The following ZMYM2 variants were observed in gnomAD, a reference collection of about 807,000 sequenced individuals.
The protein encoded by ZMYM2 is zinc finger MYM-type containing 2.
In ZMYM2, 56 loss-of-function variants were observed where a neutral mutation model predicts 162.8. That is an observed-to-expected ratio of 0.34 (90% CI 0.28 to 0.43). The LOEUF (loss-of-function observed/expected upper bound fraction) is 0.43. Ranked by LOEUF, ZMYM2 falls within the 20% of genes least tolerant of loss-of-function variation. The pLI, the probability that ZMYM2 is intolerant of heterozygous loss-of-function variation, is 1.00. For missense variants in ZMYM2, 1,275 were observed against 1,621.8 expected (o/e 0.79, Z 3.67); for synonymous variants, 510 against 541.6 (o/e 0.94, Z 0.81).
At chr13:20,075,669 CCTTTTTTTTTT>C (rs1566463503) in intron 21 of ZMYM2, among the ~76,000 whole-genome samples, 1 of 109,324 alleles carries the variant, frequency 9.1e-6, no homozygotes, top group Non-Finnish European at 1.7e-5. Context: ...ACTATAGACA[CCTTTTTTTTTT>C]TTTTTTTTTT....
At chr13:19,920,986 G>A in the ZMYM2 span, among the ~76,000 whole-genome samples, 1 of 151,340 alleles carries the variant, frequency 6.6e-6, no homozygotes, top group Non-Finnish European at 1.5e-5. Flanking sequence ...GGCCAGGATG[G>A]TCTCCATCCC....
intron 22 of ZMYM2, 61 bp downstream of exon 22, chr13:20,082,191 G>A: frequency 8.2e-7 from 1 of 1,222,432 alleles, no homozygotes; most frequent in Non-Finnish European, 1.1e-6. Context: ...TTTTTACAGA[G>A]TATGTTTGAA....
At chr13:20,010,738 T>A (rs967389673) in intron 6 of ZMYM2, among the ~76,000 whole-genome samples, 2 of 152,124 alleles carry the variant, frequency 1.3e-5, no homozygotes, top group Non-Finnish European at 2.9e-5. Context: ...CCTCCTGGGT[T>A]CAAGTGATTC....
chr13:20,005,686 TAA>T (rs1345477073), intron 5 of ZMYM2, among the ~76,000 whole-genome samples: 6 of 152,230 alleles, frequency 3.9e-5, no homozygotes, highest in East Asian at 3.8e-4. Context: ...TGTTTATATA[TAA>T]GTCATTTGAA....
chr13:20,035,520 A>G (rs574068073), intron 11 of ZMYM2, among the ~76,000 whole-genome samples: 15 of 152,210 alleles, frequency 9.9e-5, no homozygotes, highest in Non-Finnish European at 1.5e-4. Context: ...GAGTTGTGCA[A>G]TGACATTCTT....
chr13:19,876,878 TA>T, the ZMYM2 span, among the ~76,000 whole-genome samples: 1 of 152,186 alleles, frequency 6.6e-6, no homozygotes, highest in African/African-American at 2.4e-5. Context: ...TTATGTGTCT[TA>T]GTCTATTTTG....
chr13:19,885,904 T>TGTGTGTATACACAC, the ZMYM2 span, among the ~76,000 whole-genome samples: 1 of 111,318 alleles, frequency 9.0e-6, no homozygotes, highest in Non-Finnish European at 1.9e-5. Context: ...TATACACATA[T>TGTGTGTATACACAC]ATATGTATAT....
chr13:20,032,597 G>GTTTT (rs1566350752), intron 10 of ZMYM2, among the ~76,000 whole-genome samples: 2 of 86,134 alleles, frequency 2.3e-5, no homozygotes, highest in African/African-American at 9.2e-5. Context: ...TTTTTTTTCT[G>GTTTT]TCTTTTTTTT....
intron 2 of ZMYM2, among the ~76,000 whole-genome samples, chr13:19,966,395 A>G (rs1265354634): frequency 6.6e-6 from 1 of 151,188 alleles, no homozygotes; most frequent in Non-Finnish European, 1.5e-5. Context: ...AAGCCTCCCA[A>G]AGTGCTGGGA....
the ZMYM2 span, among the ~76,000 whole-genome samples, chr13:19,897,194 T>G: frequency 1.3e-5 from 2 of 151,524 alleles, no homozygotes; most frequent in African/African-American, 4.9e-5. Context: ...GAAGTAGGAA[T>G]GGGAAGAAAT....
intron 2 of ZMYM2, among the ~76,000 whole-genome samples, chr13:19,973,844 T>TA (rs1956550003): frequency 6.7e-6 from 1 of 149,402 alleles, no homozygotes; most frequent in Non-Finnish European, 1.5e-5. Flanking sequence ...CATTGTGAGA[T>TA]TTTTTTTTTG....
the ZMYM2 span, among the ~76,000 whole-genome samples, chr13:19,874,182 C>A: frequency 3.9e-4 from 60 of 152,122 alleles, 1 homozygote; most frequent in Non-Finnish European, 7.9e-4. Flanking sequence ...TTATGAATCA[C>A]CTATGAGGCG....
At chr13:20,008,819 ACTTAAAG>A in intron 6 of ZMYM2, among the ~76,000 whole-genome samples, 1 of 152,302 alleles carries the variant, frequency 6.6e-6, no homozygotes, top group East Asian at 1.9e-4. Flanking sequence ...TTCCTCATAT[ACTTAAAG>A]CAGTAAAAAT....
intron 21 of ZMYM2, among the ~76,000 whole-genome samples, chr13:20,074,850 T>A (rs796546376): frequency 1.6e-4 from 24 of 152,338 alleles, no homozygotes; most frequent in African/African-American, 5.8e-4. Flanking sequence ...CCTTCCTTTT[T>A]AAAATAGGTT....
intron 3 of ZMYM2, among the ~76,000 whole-genome samples, chr13:19,998,679 T>C (rs1950186997): frequency 6.6e-6 from 1 of 152,182 alleles, no homozygotes; most frequent in African/African-American, 2.4e-5. Context: ...TTTGGTGTGT[T>C]CTTGTTTTTG....
intron 18 of ZMYM2, among the ~76,000 whole-genome samples, chr13:20,063,951 T>C (rs895756546): frequency 2.7e-5 from 1 of 37,360 alleles, no homozygotes; most frequent in African/African-American, 5.9e-5. Context: ...ATATATATAA[T>C]ATATATAGTT....
At chr13:20,011,472 C>T (rs1207194897) in intron 6 of ZMYM2, among the ~76,000 whole-genome samples, 1 of 151,940 alleles carries the variant, frequency 6.6e-6, no homozygotes, top group South Asian at 2.1e-4. Flanking sequence ...ATTTGCGTTG[C>T]TCATTCTGTA....
intron 12 of ZMYM2, among the ~76,000 whole-genome samples, chr13:20,050,448 A>G (rs930482943): frequency 1.3e-5 from 2 of 152,062 alleles, no homozygotes; most frequent in Non-Finnish European, 2.9e-5. Flanking sequence ...GAACTACAAA[A>G]TACTTAACAG....
chr13:19,937,095 A>C, the ZMYM2 span, among the ~76,000 whole-genome samples: 1 of 152,108 alleles, frequency 6.6e-6, no homozygotes, highest in Non-Finnish European at 1.5e-5. Context: ...TTAAAAAATC[A>C]ACCTCTTAAA....
Sources: gnomAD v4.1 joint callset for allele counts (sites outside exome capture counted in the v4.1 genomes callset) on GRCh38, gnomAD v4.1.1 for gene constraint, MANE v1.5 for transcripts, NCBI Gene and HGNC (gene_info 2026-07-23, HGNC 2026-07-21) for gene names.